FMN1: variants seen among roughly 807,000 people sequenced by gnomAD.
The protein encoded by FMN1 is formin-1.
FMN1 carries 110 observed loss-of-function variants against 132.4 expected under a neutral mutation model. That is an observed-to-expected ratio of 0.83 (90% CI 0.71 to 0.97). FMN1 has a LOEUF of 0.97. Ranked by LOEUF, FMN1 falls within the 50% of genes least tolerant of loss-of-function variation. FMN1 has a pLI of 0.00. For synonymous variants in FMN1, 722 were observed against 651.7 expected (o/e 1.11, Z -1.64); for missense variants, 1,792 against 1,705.3 (o/e 1.05, Z -0.90).
intron 6 of FMN1, among the ~76,000 whole-genome samples, chr15:33,016,163 A>T (rs2070072585): frequency 6.6e-6 from 1 of 152,232 alleles, no homozygotes; most frequent in South Asian, 2.1e-4. Context: ...ATATGTATCA[A>T]ATTTCAAGAA....
intron 9 of FMN1, among the ~76,000 whole-genome samples, chr15:32,942,451 G>T (rs1432785587): frequency 6.6e-6 from 1 of 152,170 alleles, no homozygotes; most frequent in Non-Finnish European, 1.5e-5. Context: ...CTTTCTGCCT[G>T]AGCTTGGCAG....
chr15:32,817,231 G>A (rs999802884), intron 17 of FMN1, among the ~76,000 whole-genome samples: 8 of 152,142 alleles, frequency 5.3e-5, no homozygotes, highest in African/African-American at 1.4e-4. Context: ...AGAACGTCCT[G>A]TAAATAATCA....
At chr15:32,973,583 C>A (rs73372970) in intron 7 of FMN1, among the ~76,000 whole-genome samples, 101 of 151,798 alleles carry the variant, frequency 6.7e-4, no homozygotes, top group Non-Finnish European at 1.1e-3. Context: ...CTCACCCCCC[C>A]CAAAAAAACA....
Position 33,066,653 on chromosome 15 carries a change from C to G in FMN1, c.2044-1579G>C, listed in dbSNP as rs369308582. On this transcript the variant is annotated intron_variant, in intron 5 of 20. Coordinates refer to ENST00000616417, the MANE Select transcript of FMN1 (RefSeq NM_001277313.2). Reference sequence around the variant, plus strand: ...AGCTGTGGTCCCCTTTCTGGGGGGCCGGATGAATAGGGCTTTAAAAGCCTC... The same window carrying G: ...AGCTGTGGTCCCCTTTCTGGGGGGCGGGATGAATAGGGCTTTAAAAGCCTC... The G allele has an allele frequency of 7.4e-6, 12 of 1,613,530 alleles. No individual in the cohort carries two copies. Among genetic ancestry groups the G allele is most frequent in the Admixed American group, 5.0e-5 (3 of 59,956 alleles).
At chr15:32,813,013 CTGTGCTGAACATA>C (rs2057936804) in intron 17 of FMN1, among the ~76,000 whole-genome samples, 1 of 152,098 alleles carries the variant, frequency 6.6e-6, no homozygotes, top group Non-Finnish European at 1.5e-5. Context: ...ATGGTTGTGT[CTGTGCTGAACATA>C]TACACGCTTT....
intron 12 of FMN1, among the ~76,000 whole-genome samples, chr15:32,902,442 C>T (rs17228908): frequency 0.16 from 23,747 of 152,052 alleles, 2,481 homozygotes; most frequent in Non-Finnish European, 0.23. Flanking sequence ...TTTATACAGG[C>T]TAAGCAAACT....
chr15:32,921,425 T>C (rs995409840), intron 10 of FMN1, among the ~76,000 whole-genome samples: 3 of 152,194 alleles, frequency 2.0e-5, no homozygotes, highest in South Asian at 4.1e-4. Context: ...ATCTATGTTT[T>C]GGCCAAGCAT....
intron 9 of FMN1, among the ~76,000 whole-genome samples, chr15:32,929,980 AATTT>A (rs1245556926): frequency 2.4e-5 from 3 of 126,138 alleles, no homozygotes; most frequent in African/African-American, 1.0e-4. Context: ...TCTATTTTTA[AATTT>A]TTTTTTTTTT....
intron 8 of FMN1, among the ~76,000 whole-genome samples, chr15:32,968,302 T>C (rs563238151): frequency 6.6e-6 from 1 of 152,320 alleles, no homozygotes; most frequent in South Asian, 2.1e-4. Context: ...TAGGGTTGAT[T>C]ATAGTATTTA....
chr15:33,019,641 C>A (rs554764233), intron 6 of FMN1, among the ~76,000 whole-genome samples: 1 of 152,304 alleles, frequency 6.6e-6, no homozygotes, highest in Admixed American at 6.5e-5. Context: ...GGCAGCTAAG[C>A]CCCGGGGACA....
intron 20 of FMN1, 130 bp downstream of exon 20, chr15:32,776,705 T>A (rs1025071298): frequency 5.7e-5 from 29 of 512,582 alleles, no homozygotes; most frequent in East Asian, 3.9e-4. Context: ...TTTTTTTTTT[T>A]AACCATATGC....
intron 18 of FMN1, among the ~76,000 whole-genome samples, chr15:32,800,586 C>G (rs951093491): frequency 6.6e-6 from 1 of 152,210 alleles, no homozygotes; most frequent in African/African-American, 2.4e-5. Flanking sequence ...ACAGGCCATT[C>G]ATTTCCTACA....
intron 18 of FMN1, among the ~76,000 whole-genome samples, chr15:32,801,428 C>T (rs1595946960): frequency 6.6e-6 from 1 of 152,092 alleles, no homozygotes; most frequent in East Asian, 1.9e-4. Flanking sequence ...GATGGCCTGG[C>T]TTTGGCACTC....
intron 4 of FMN1, among the ~76,000 whole-genome samples, chr15:33,152,195 G>C (rs138616758): frequency 3.9e-4 from 59 of 152,270 alleles, no homozygotes; most frequent in African/African-American, 1.4e-3. Context: ...CAACAGCCTA[G>C]AAAATGTAAT....
At chr15:32,954,054 G>A (rs2061709959) in intron 9 of FMN1, among the ~76,000 whole-genome samples, 1 of 152,172 alleles carries the variant, frequency 6.6e-6, no homozygotes, top group South Asian at 2.1e-4. Flanking sequence ...AGGTCAGAGG[G>A]GTTACATGAC....
At chr15:32,969,532 A>T in intron 7 of FMN1, 55 bp from the exon 8 acceptor site, 1 of 1,564,072 alleles carries the variant, frequency 6.4e-7, no homozygotes, top group Non-Finnish European at 8.7e-7. Context: ...AACAAACTTA[A>T]GAATTTAGAA....
intron 5 of FMN1, among the ~76,000 whole-genome samples, chr15:33,077,607 A>G (rs547988356): frequency 2.0e-5 from 3 of 151,858 alleles, no homozygotes; most frequent in East Asian, 3.9e-4. Context: ...GAGTGGGAAC[A>G]TGCAGTGTTT....
intron 19 of FMN1, among the ~76,000 whole-genome samples, chr15:32,779,054 G>C (rs1448885061): frequency 6.6e-6 from 1 of 152,132 alleles, no homozygotes; most frequent in Non-Finnish European, 1.5e-5. Flanking sequence ...AGTGAAAGAA[G>C]CCAATCACAA....
At chr15:33,122,325 T>C (rs1595521584) in intron 4 of FMN1, among the ~76,000 whole-genome samples, 1 of 152,228 alleles carries the variant, frequency 6.6e-6, no homozygotes, top group African/African-American at 2.4e-5. Flanking sequence ...ACCATGTAAT[T>C]GTGCTTTAAA....
Sources: gnomAD v4.1 joint callset for allele counts (sites outside exome capture counted in the v4.1 genomes callset) on GRCh38, gnomAD v4.1.1 for gene constraint, MANE v1.5 for transcripts, NCBI Gene and HGNC (gene_info 2026-07-23, HGNC 2026-07-21) for gene names.